The following PRKD1 variants were observed in gnomAD, a reference collection of about 807,000 sequenced individuals.
The protein encoded by PRKD1 is protein kinase D1, also known as serine/threonine-protein kinase D1.
A neutral mutation model predicts 95.9 loss-of-function variants in PRKD1; 63 were observed. That is an observed-to-expected ratio of 0.66 (90% CI 0.54 to 0.81). PRKD1 has a LOEUF of 0.81. PRKD1 is among the 30% of genes least tolerant of loss of function. PRKD1 has a pLI of 0.00. For missense variants in PRKD1, 1,048 were observed against 1,165.3 expected, an observed-to-expected ratio of 0.90 and a Z score of 1.47; for synonymous variants, 425 against 423.1, an observed-to-expected ratio of 1.00 and a Z score of -0.05.
intron 1 of PRKD1, among the ~76,000 whole-genome samples, chr14:29,845,941 C>T (rs1215491378): frequency 6.6e-6 from 1 of 152,116 alleles, no homozygotes; most frequent in Non-Finnish European, 1.5e-5. Context: ...TATTTAATAA[C>T]AGCTCAGGAG....
At chr14:29,621,026 T>G in intron 13 of PRKD1, among the ~76,000 whole-genome samples, 1 of 151,886 alleles carries the variant, frequency 6.6e-6, no homozygotes, top group African/African-American at 2.4e-5. Flanking sequence ...AATGATGAGT[T>G]CATGTCCTTT....
intron 1 of PRKD1, among the ~76,000 whole-genome samples, chr14:29,907,067 T>C (rs189525402): frequency 4.6e-5 from 7 of 152,364 alleles, no homozygotes; most frequent in African/African-American, 1.7e-4. Context: ...CAAAAGACTC[T>C]TTCTGTTCCA....
Position 29,599,047 on chromosome 14 carries a change from A to G in PRKD1, c.2146T>C (p.Ser716Pro). ...DLKPENVLLA[S>P]ADPFPQVKLC... is the part of the protein sequence containing the mutation. ...CTTGCCTGAGGAAAAGGATCAGCTGAGGCTAGCAACACATTTTCTGGTTTG... is the reference window on the plus strand; with the variant it reads ...CTTGCCTGAGGAAAAGGATCAGCTGGGGCTAGCAACACATTTTCTGGTTTG... Residue 716 changes from serine to proline, a missense_variant, in exon 15 of 18, where the codon TCA becomes CCA. Around this residue, in one of 3 missense-constraint regions of PRKD1, gnomAD observed 739 missense variants for 861.9 expected, o/e 0.86. Transcript: ENST00000331968. The G allele has an allele frequency of 6.2e-7, 1 of 1,613,672 alleles. No homozygotes were observed.
intron 1 of PRKD1, among the ~76,000 whole-genome samples, chr14:29,774,404 G>A (rs1209536387): frequency 6.6e-6 from 1 of 152,152 alleles, no homozygotes; most frequent in Non-Finnish European, 1.5e-5. Flanking sequence ...AGAACAAGGA[G>A]AAAGAAGAGG....
At chr14:29,905,448 T>C (rs1894462360) in intron 1 of PRKD1, among the ~76,000 whole-genome samples, 1 of 151,946 alleles carries the variant, frequency 6.6e-6, no homozygotes, top group Non-Finnish European at 1.5e-5. Context: ...GTAAAATATA[T>C]ACTTGATAAC....
chr14:29,685,536 T>C (rs67509743), intron 2 of PRKD1, among the ~76,000 whole-genome samples: 10,588 of 152,204 alleles, frequency 0.07, 947 homozygotes, highest in African/African-American at 0.21. Context: ...CTCACCTTAT[T>C]TGAGATTCTT....
chr14:29,840,395 T>C (rs1229495843), intron 1 of PRKD1, among the ~76,000 whole-genome samples: 1 of 152,168 alleles, frequency 6.6e-6, no homozygotes, highest in African/African-American at 2.4e-5. Context: ...TCAGTATTTT[T>C]GTCAAAGCCA....
Position 29,612,835 on chromosome 14 carries a change from A to G in PRKD1, c.1905+11317T>C, listed in dbSNP as rs541120715. On this transcript the variant is annotated intron_variant, in intron 13 of 17. Coordinates refer to ENST00000331968, the MANE Select transcript of PRKD1 (RefSeq NM_002742.3). Reference sequence around the variant, plus strand: ...TCATGTAGGGCGGGCACGGTGGCTCACGCCTGTAAACCCAGCACTTTGGGA... The same window carrying G: ...TCATGTAGGGCGGGCACGGTGGCTCGCGCCTGTAAACCCAGCACTTTGGGA... Among the ~76,000 whole-genome samples, 216 of 152,322 alleles carry G rather than the reference A, an allele frequency of 1.4e-3. 1 individual carries two copies. The highest frequency in any genetic ancestry group is 5.1e-3 in the African/African-American group (214 of 41,572).
intron 2 of PRKD1, among the ~76,000 whole-genome samples, chr14:29,698,204 A>G (rs1048369351): frequency 6.6e-6 from 1 of 152,214 alleles, no homozygotes; most frequent in African/African-American, 2.4e-5. Context: ...ACAAATGTTT[A>G]TAATCACTAT....
At chr14:29,718,516 A>T (rs905296577) in intron 2 of PRKD1, among the ~76,000 whole-genome samples, 25 of 152,212 alleles carry the variant, frequency 1.6e-4, no homozygotes, top group African/African-American at 6.0e-4. Context: ...GGTTTACTTG[A>T]AAGATAAGAA....
chr14:29,893,158 C>G (rs901252361), intron 1 of PRKD1, among the ~76,000 whole-genome samples: 4 of 151,942 alleles, frequency 2.6e-5, no homozygotes, highest in Non-Finnish European at 5.9e-5. Context: ...AATACTCTGA[C>G]AGATTAGTAT....
intron 8 of PRKD1, among the ~76,000 whole-genome samples, chr14:29,633,396 G>A (rs1182712954): frequency 6.6e-6 from 1 of 152,140 alleles, no homozygotes; most frequent in Non-Finnish European, 1.5e-5. Context: ...GCTTCCATTG[G>A]CAATGGGAAA....
chr14:29,660,334 G>A (rs1001143697), intron 4 of PRKD1, among the ~76,000 whole-genome samples: 3 of 151,958 alleles, frequency 2.0e-5, no homozygotes, highest in Admixed American at 6.6e-5. Context: ...CCTTTACTGC[G>A]CCTTTATAAT....
Position 29,636,369 on chromosome 14 carries a change from C to T in PRKD1, c.1111G>A (p.Ala371Thr), listed in dbSNP as rs1180004923. 9 of 1,614,090 alleles carry T rather than the reference C, an allele frequency of 5.6e-6. No individual in the cohort carries two copies. The highest frequency in any genetic ancestry group is 7.6e-6 in the Non-Finnish European group (9 of 1,180,054). The change falls in exon 7 of 18, where the codon GCA becomes ACA. Residue 371 changes from alanine to threonine, a missense_variant. Around this residue, in one of 3 missense-constraint regions of PRKD1, gnomAD observed 739 missense variants for 861.9 expected, o/e 0.86. Transcript: ENST00000331968. Reference sequence around the variant, plus strand: ...CTGTCGTTCTGGCACTCTGCCATTGCCATCTCTGCATCTTGGACCATTGCT... The same window carrying T: ...CTGTCGTTCTGGCACTCTGCCATTGTCATCTCTGCATCTTGGACCATTGCT... Reference protein sequence around the residue: ...EEAMVQDAEMAMAECQNDSGE... With the variant: ...EEAMVQDAEMTMAECQNDSGE...
At chr14:29,918,198 C>T (rs1000955079) in intron 1 of PRKD1, among the ~76,000 whole-genome samples, 20 of 151,568 alleles carry the variant, frequency 1.3e-4, no homozygotes, top group Admixed American at 1.2e-3. Flanking sequence ...ATACATGTAC[C>T]AAAACATTAT....
chr14:29,841,111 G>C (rs1197660450), intron 1 of PRKD1, among the ~76,000 whole-genome samples: 1 of 152,214 alleles, frequency 6.6e-6, no homozygotes, highest in Non-Finnish European at 1.5e-5. Context: ...TGGAATGGCT[G>C]AGTTTATCCA....
At chr14:29,704,549 G>A (rs1030829035) in intron 2 of PRKD1, among the ~76,000 whole-genome samples, 2 of 152,110 alleles carry the variant, frequency 1.3e-5, no homozygotes, top group Non-Finnish European at 2.9e-5. Flanking sequence ...TCAGACCAAA[G>A]TGCATCTGAC....
Position 29,599,828 on chromosome 14 carries a change from TAA to T in PRKD1, c.1906-13_1906-12del. The T allele has an allele frequency of 6.3e-7, 1 of 1,597,430 alleles. No individual in the cohort carries two copies. Among genetic ancestry groups the T allele is most frequent in the Non-Finnish European group, 8.5e-7 (1 of 1,174,974 alleles). ...AGGGTGATGAAGGTTCTATTAAAGA[TAA>T]ATAAAGCACTTGAAGAAAATGAGTT... is the stretch of plus-strand genomic sequence containing the variant. On this transcript the variant is annotated splice_polypyrimidine_tract_variant and intron_variant, in intron 13 of 17. Transcript: ENST00000331968.
At chr14:29,772,742 T>C (rs890657811) in intron 1 of PRKD1, among the ~76,000 whole-genome samples, 2 of 152,214 alleles carry the variant, frequency 1.3e-5, no homozygotes, top group East Asian at 3.9e-4. Context: ...CCAAAGACTA[T>C]AGAATTAAAT....
Sources: gnomAD v4.1 joint callset for allele counts (sites outside exome capture counted in the v4.1 genomes callset) on GRCh38, gnomAD v4.1.1 for gene constraint, gnomAD v4.1.1 regional missense constraint, MANE v1.5 for transcripts, NCBI Gene and HGNC (gene_info 2026-07-23, HGNC 2026-07-21) for gene names.